TMEM178B: variants seen among roughly 807,000 people sequenced by gnomAD.
The protein encoded by TMEM178B is transmembrane protein 178B.
Under a neutral mutation model 31.0 loss-of-function variants are expected in TMEM178B, and 5 were observed. The observed-to-expected ratio is 0.16, with a 90% CI of 0.08 to 0.34. The LOEUF is 0.34. TMEM178B is among the 10% of genes least tolerant of loss of function. TMEM178B has a pLI of 1.00. For synonymous variants in TMEM178B, 164 were observed against 164.0 expected, an observed-to-expected ratio of 1.00 and a Z score of 0.00; for missense variants, 275 against 400.3, an observed-to-expected ratio of 0.69 and a Z score of 2.67.
At chr7:141,094,169 GA>G (rs1045324446) in intron 1 of TMEM178B, among the ~76,000 whole-genome samples, 1 of 152,036 alleles carries the variant, frequency 6.6e-6, no homozygotes, top group Non-Finnish European at 1.5e-5. Context: ...AAGTAGGAAG[GA>G]AGGTGGGAAA....
chr7:141,433,349 T>C (rs375784603), intron 2 of TMEM178B, among the ~76,000 whole-genome samples: 2,066 of 152,304 alleles, frequency 0.014, 41 homozygotes, highest in African/African-American at 0.042. Flanking sequence ...TTCATGAGCC[T>C]TTTGGGGATT....
Position 141,479,887 on chromosome 7 carries a change from T to A in TMEM178B, c.*9101T>A, listed in dbSNP as rs1385165990. On this transcript the variant is annotated 3_prime_UTR_variant, in exon 4 of 4. Coordinates refer to ENST00000565468, the MANE Select transcript of TMEM178B (RefSeq NM_001195278.2). ...TGCCTCTGCCCTTGGAGGCAGCAAT[T>A]CCTGTGGTTATTGGTGCTAAAATAA... is the stretch of plus-strand genomic sequence containing the variant. The A allele has an allele frequency of 6.6e-6, 1 of 152,212 alleles. No individual in the cohort carries two copies. The highest frequency in any genetic ancestry group is 2.4e-5 in the African/African-American group (1 of 41,444). 9.4% of individuals were successfully genotyped at this position (152,212 alleles called of 1,614,324 possible). A position where few individuals can be genotyped will look rare whatever the true frequency, so the allele number is the denominator to read the frequency against.
chr7:141,226,145 A>C (rs1011538416), intron 2 of TMEM178B, among the ~76,000 whole-genome samples: 9 of 152,142 alleles, frequency 5.9e-5, no homozygotes, highest in African/African-American at 2.2e-4. Flanking sequence ...CTAGTGCTGC[A>C]CAGTTGCCAA....
intron 1 of TMEM178B, among the ~76,000 whole-genome samples, chr7:141,196,036 T>C (rs141222351): frequency 1.3e-5 from 2 of 152,174 alleles, no homozygotes; most frequent in Non-Finnish European, 2.9e-5. Flanking sequence ...AAGTTGAGAT[T>C]TGAGTGGGGA....
intron 3 of TMEM178B, among the ~76,000 whole-genome samples, chr7:141,462,825 A>C (rs56727223): frequency 0.042 from 6,402 of 151,916 alleles, 430 homozygotes; most frequent in African/African-American, 0.15. Context: ...GGTCCAGAGC[A>C]CCGAGACTAT....
the TMEM178B span, among the ~76,000 whole-genome samples, chr7:141,491,658 A>C: frequency 2.0e-5 from 3 of 152,072 alleles, no homozygotes; most frequent in Non-Finnish European, 4.4e-5. Context: ...ACCAAGTCTC[A>C]TTTTTCAGAC....
chr7:141,371,893 A>G (rs1487460424), intron 2 of TMEM178B, among the ~76,000 whole-genome samples: 2 of 152,160 alleles, frequency 1.3e-5, no homozygotes, highest in African/African-American at 4.8e-5. Context: ...TTGCTCTACC[A>G]GTGCTCCACT....
At chr7:141,180,187 A>G (rs538425534) in intron 1 of TMEM178B, among the ~76,000 whole-genome samples, 2 of 152,268 alleles carry the variant, frequency 1.3e-5, no homozygotes, top group Non-Finnish European at 1.5e-5. Flanking sequence ...TTATGAATCT[A>G]AAGAAAACAC....
the TMEM178B span, among the ~76,000 whole-genome samples, chr7:141,491,193 C>T: frequency 6.6e-6 from 1 of 151,836 alleles, no homozygotes; most frequent in Non-Finnish European, 1.5e-5. Context: ...ATGCTTGGAT[C>T]ATTTTTGTTT....
At chr7:141,140,147 C>T (rs1795747533) in intron 1 of TMEM178B, among the ~76,000 whole-genome samples, 2 of 152,230 alleles carry the variant, frequency 1.3e-5, no homozygotes, top group African/African-American at 4.8e-5. Context: ...CCTTATTTCC[C>T]TCTGCTCCAC....
chr7:141,081,846 C>T (rs925054163), intron 1 of TMEM178B, among the ~76,000 whole-genome samples: 2 of 152,178 alleles, frequency 1.3e-5, no homozygotes, highest in Admixed American at 1.3e-4. Flanking sequence ...CACTTTCACT[C>T]GCCACTCACC....
At chr7:141,167,653 T>C (rs1396191563) in intron 1 of TMEM178B, among the ~76,000 whole-genome samples, 2 of 152,214 alleles carry the variant, frequency 1.3e-5, no homozygotes, top group Non-Finnish European at 2.9e-5. Flanking sequence ...CTTAAAATTT[T>C]GTCAAATGCT....
At chr7:141,156,484 A>G (rs575155488) in intron 1 of TMEM178B, among the ~76,000 whole-genome samples, 1 of 152,310 alleles carries the variant, frequency 6.6e-6, no homozygotes, top group African/African-American at 2.4e-5. Flanking sequence ...CAGATTCAAA[A>G]ATGAAAAACG....
Position 141,402,207 on chromosome 7 carries a change from T to C in TMEM178B, c.497-35401T>C, listed in dbSNP as rs112125296. On this transcript the variant is annotated intron_variant, in intron 2 of 3. Transcript: ENST00000565468. ...GGAGCCGCACAGGCAATGGACACTA[T>C]TCTAGTTCTGGAGAGAGAAAAATCC... Among the ~76,000 whole-genome samples, 4 of 152,240 alleles carry C rather than the reference T, an allele frequency of 2.6e-5. No homozygotes were observed. The East Asian group carries it at 7.7e-4, about 29-fold the overall frequency.
At chr7:141,157,081 G>C (rs1796082748) in intron 1 of TMEM178B, among the ~76,000 whole-genome samples, 1 of 152,190 alleles carries the variant, frequency 6.6e-6, no homozygotes, top group Non-Finnish European at 1.5e-5. Context: ...AGTGGTGAAA[G>C]TGGAAACACG....
chr7:141,086,955 T>C (rs1794798627), intron 1 of TMEM178B, among the ~76,000 whole-genome samples: 2 of 152,138 alleles, frequency 1.3e-5, no homozygotes, highest in Admixed American at 1.3e-4. Flanking sequence ...CCCAAGATGC[T>C]AGGATTACAG....
In TMEM178B at chr7:141,476,731, C is replaced by G. The variant is rs58588454; in HGVS notation, c.*5945C>G. The G allele has an allele frequency of 6.6e-6, 1 of 152,258 alleles. No individual in the cohort carries two copies. The highest frequency in any genetic ancestry group is 2.4e-5 in the African/African-American group (1 of 41,392). The allele number at this position is 152,258 out of a possible 1,614,324, so 9.4% of individuals were successfully genotyped here. A position where few individuals can be genotyped will look rare whatever the true frequency, so the allele number is the denominator to read the frequency against. On this transcript the variant is annotated 3_prime_UTR_variant, in exon 4 of 4. Coordinates refer to ENST00000565468, the MANE Select transcript of TMEM178B (RefSeq NM_001195278.2). ...TCCTAGGTTCTAAACAAGAAAAGAA[C>G]GCCCTTCCCAAAGGGTCCGCACACT...
intron 2 of TMEM178B, among the ~76,000 whole-genome samples, chr7:141,399,860 G>A (rs1216349589): frequency 6.6e-6 from 1 of 152,028 alleles, no homozygotes; most frequent in African/African-American, 2.4e-5. Flanking sequence ...CTTACTTTGG[G>A]TCTTGAAATT....
At chr7:141,107,254 G>A (rs922219154) in intron 1 of TMEM178B, among the ~76,000 whole-genome samples, 5 of 152,188 alleles carry the variant, frequency 3.3e-5, no homozygotes, top group African/African-American at 1.2e-4. Context: ...CCACTGTCAG[G>A]TCCTGGCTTT....
Sources: allele counts gnomAD v4.1 joint callset (sites outside exome capture counted in the v4.1 genomes callset), GRCh38; gene constraint gnomAD v4.1.1; transcripts MANE v1.5; gene names NCBI Gene and HGNC (gene_info 2026-07-23, HGNC 2026-07-21).